Variants in FRYL observed in about 807,000 individuals in gnomAD.
FRYL encodes the protein protein furry homolog-like.
Under a neutral mutation model 351.2 loss-of-function variants are expected in FRYL, and 150 were observed. The observed-to-expected ratio is 0.43, with a 90% CI of 0.37 to 0.49. The LOEUF is 0.49. Among genes scored for constraint, FRYL ranks in the 20% least tolerant of loss-of-function variants. The pLI is 0.00. For synonymous variants in FRYL, 1,153 were observed against 1,257.1 expected, an observed-to-expected ratio of 0.92 and a Z score of 1.75; for missense variants, 3,036 against 3,619.3, an observed-to-expected ratio of 0.84 and a Z score of 4.13.
In FRYL at chr4:48,512,389, A is replaced by C. The variant is rs545825910; in HGVS notation, c.8145+92T>G. ...AAAAAATTTGTTAAAACTGGTAGGA[A>C]TATTAAAATCGGAGATGCTGATTTT... On this transcript the variant is annotated intron_variant, in intron 57 of 63. Transcript: ENST00000358350. The C allele has an allele frequency of 1.5e-5, 15 of 1,025,604 alleles. No individual in the cohort carries two copies. In the African/African-American group the frequency reaches 1.6e-4, roughly 11 times the overall value. The allele number at this position is 1,025,604 out of a possible 1,614,324, so 63.5% of individuals were successfully genotyped here. A position where few individuals can be genotyped will look rare whatever the true frequency, so the allele number is the denominator to read the frequency against.
chr4:48,544,221 T>C (rs902716087), intron 43 of FRYL, among the ~76,000 whole-genome samples: 21 of 152,300 alleles, frequency 1.4e-4, no homozygotes, highest in African/African-American at 4.1e-4. Flanking sequence ...ACCTTGGCAC[T>C]ACTGACCTTA....
At chr4:48,743,372 C>T (rs1450196540) in intron 1 of FRYL, among the ~76,000 whole-genome samples, 1 of 151,962 alleles carries the variant, frequency 6.6e-6, no homozygotes, top group Non-Finnish European at 1.5e-5. Flanking sequence ...CTTGTTTTTT[C>T]AAGCTTTTTT....
intron 1 of FRYL, among the ~76,000 whole-genome samples, chr4:48,726,580 G>C (rs1770114820): frequency 6.6e-6 from 1 of 152,182 alleles, no homozygotes; most frequent in Non-Finnish European, 1.5e-5. Context: ...TACTAGTGAG[G>C]CTGAGGCATG....
At chr4:48,747,720 G>C (rs1772830890) in intron 1 of FRYL, among the ~76,000 whole-genome samples, 1 of 152,052 alleles carries the variant, frequency 6.6e-6, no homozygotes, top group Non-Finnish European at 1.5e-5. Flanking sequence ...CATGTTTTCA[G>C]CTTTGGTTGC....
At chr4:48,717,948 A>G (rs1409087325) in intron 1 of FRYL, among the ~76,000 whole-genome samples, 1 of 151,572 alleles carries the variant, frequency 6.6e-6, no homozygotes, top group Admixed American at 6.6e-5. Context: ...CTACTAACCA[A>G]TATCTGACAT....
rs58346378 is a variant in FRYL at position 48,698,092 on chromosome 4, A to G, written c.-204+12427T>C. Reference sequence around the variant, plus strand: ...CAAGGAGTTTACAGACAAGCTGGAAAGGAGACATGGGCAGTAGCATGTTTC... The same window carrying G: ...CAAGGAGTTTACAGACAAGCTGGAAGGGAGACATGGGCAGTAGCATGTTTC... On this transcript the variant is annotated intron_variant, in intron 2 of 63. Coordinates refer to ENST00000358350, the MANE Select transcript of FRYL (RefSeq NM_015030.2). Among the ~76,000 whole-genome samples, 1,133 of 152,340 alleles carry G rather than the reference A, an allele frequency of 7.4e-3. 15 individuals carry two copies. The highest frequency in any genetic ancestry group is 0.026 in the African/African-American group (1,064 of 41,582).
intron 1 of FRYL, among the ~76,000 whole-genome samples, chr4:48,757,247 G>GGGCAATCA (rs1235601049): frequency 6.6e-5 from 10 of 152,036 alleles, no homozygotes; most frequent in Admixed American, 3.3e-4. Flanking sequence ...GTTCTGGCCA[G>GGGCAATCA]GGCAGGAGAA....
At chr4:48,631,633 T>C (rs550990788) in intron 4 of FRYL, among the ~76,000 whole-genome samples, 51 of 152,102 alleles carry the variant, frequency 3.4e-4, no homozygotes, top group South Asian at 8.3e-4. Flanking sequence ...TCGGAGAAGA[T>C]AAACATGTAA....
chr4:48,617,878 A>AG (rs1749864369), intron 7 of FRYL: 1 of 152,216 alleles, frequency 6.6e-6, no homozygotes. Context: ...ATGCTAATGT[A>AG]GGGAGTCTGC....
intron 3 of FRYL, among the ~76,000 whole-genome samples, chr4:48,670,822 C>T (rs1762532828): frequency 6.6e-6 from 1 of 152,114 alleles, no homozygotes; most frequent in African/African-American, 2.4e-5. Context: ...GTGTATGTAC[C>T]ACATTTTCTT....
intron 13 of FRYL, among the ~76,000 whole-genome samples, chr4:48,596,523 C>A (rs1381106404): frequency 6.6e-6 from 1 of 152,036 alleles, no homozygotes; most frequent in Non-Finnish European, 1.5e-5. Context: ...AAAACAGGGA[C>A]TAAATCCAAG....
At chr4:48,575,981 T>A (rs1298998001) in intron 24 of FRYL, 49 bp downstream of exon 24, 2 of 1,351,490 alleles carry the variant, frequency 1.5e-6, no homozygotes, top group Non-Finnish European at 2.0e-6. Flanking sequence ...CTTATTTTTA[T>A]GGGGCCATTC....
chr4:48,505,519 G>A (rs376551491), intron 60 of FRYL, 28 bp downstream of exon 60: 1 of 1,405,398 alleles, frequency 7.1e-7, no homozygotes, highest in Non-Finnish European at 1.0e-6. Flanking sequence ...GAAAATGTAT[G>A]TTGCAAAAAC....
At chr4:48,663,337 T>A (rs1227015596) in intron 3 of FRYL, among the ~76,000 whole-genome samples, 8 of 149,234 alleles carry the variant, frequency 5.4e-5, no homozygotes, top group South Asian at 2.1e-4. Flanking sequence ...AAATATATAA[T>A]TTAATTTAAT....
intron 26 of FRYL, chr4:48,571,933 G>A: frequency 4.1e-6 from 4 of 984,986 alleles, no homozygotes; most frequent in Non-Finnish European, 4.8e-6. Flanking sequence ...ATTTTGTTTT[G>A]TTTCAATCTC....
chr4:48,609,117 ACT>A (rs757245763), intron 8 of FRYL, 50 bp from the exon 9 acceptor site: 2 of 1,199,734 alleles, frequency 1.7e-6, no homozygotes, highest in East Asian at 4.7e-5. Context: ...TTTTCTACAA[ACT>A]CTCTTTCCTA....
intron 9 of FRYL, 81 bp from the exon 10 acceptor site, chr4:48,606,687 G>A: frequency 9.0e-7 from 1 of 1,108,382 alleles, no homozygotes; most frequent in South Asian, 2.0e-5. Flanking sequence ...AAAATCAAAA[G>A]GTATGCTACC....
intron 7 of FRYL, among the ~76,000 whole-genome samples, chr4:48,610,712 ATT>A (rs1411643219): frequency 6.9e-6 from 1 of 145,162 alleles, no homozygotes. Flanking sequence ...ATACATATAT[ATT>A]ATATACATAT....
chr4:48,648,960 T>C (rs1260068140), intron 3 of FRYL, among the ~76,000 whole-genome samples: 2 of 152,236 alleles, frequency 1.3e-5, no homozygotes, highest in Admixed American at 6.5e-5. Flanking sequence ...ATGAATTTTA[T>C]AGTATGTGAA....
Sources: gnomAD v4.1 joint callset for allele counts (sites outside exome capture counted in the v4.1 genomes callset) on GRCh38, gnomAD v4.1.1 for gene constraint, MANE v1.5 for transcripts, NCBI Gene and HGNC (gene_info 2026-07-23, HGNC 2026-07-21) for gene names.